Variants in ARHGAP22 observed in about 807,000 individuals in gnomAD.
The protein encoded by ARHGAP22 is Rho GTPase activating protein 22.
In ARHGAP22, 48 loss-of-function variants were observed where a neutral mutation model predicts 59.1. The observed-to-expected ratio is 0.81, with a 90% CI of 0.64 to 1.03. The LOEUF is 1.03. Ranked by LOEUF, ARHGAP22 falls within the 50% of genes least tolerant of loss-of-function variation. The probability of loss-of-function intolerance (pLI) is 0.00; values close to 1 mark genes in which losing one functional copy is unlikely to be tolerated. For missense variants in ARHGAP22, 1,015 were observed against 958.7 expected (o/e 1.06, Z -0.78); for synonymous variants, 445 against 416.4 (o/e 1.07, Z -0.84).
chr10:48,544,758 C>T (rs1211159561), intron 3 of ARHGAP22, among the ~76,000 whole-genome samples: 1 of 152,062 alleles, frequency 6.6e-6, no homozygotes, highest in Non-Finnish European at 1.5e-5. Flanking sequence ...AGTGAATGCT[C>T]GCAACACAAA....
At chr10:48,475,306 C>T (rs1323906379) in intron 4 of ARHGAP22, among the ~76,000 whole-genome samples, 1 of 152,178 alleles carries the variant, frequency 6.6e-6, no homozygotes, top group Non-Finnish European at 1.5e-5. Flanking sequence ...TGCTGTCCCT[C>T]CACTCGCTCT....
At chr10:48,604,646 A>G (rs541749917) in intron 1 of ARHGAP22, 117 bp downstream of exon 1, 2 of 1,513,774 alleles carry the variant, frequency 1.3e-6, no homozygotes, top group Admixed American at 1.7e-5. Flanking sequence ...TTCAGCGGCA[A>G]TGGTCCCAGA....
chr10:48,629,494 C>T (rs140095195), intron 1 of ARHGAP22, among the ~76,000 whole-genome samples: 6 of 152,290 alleles, frequency 3.9e-5, no homozygotes, highest in African/African-American at 1.2e-4. Context: ...CATTGAATTA[C>T]CTTGGCTCTC....
At chr10:48,524,203 C>T in intron 3 of ARHGAP22, 1 of 879,132 alleles carries the variant, frequency 1.1e-6, no homozygotes, top group Non-Finnish European at 1.4e-6. Flanking sequence ...CAGTGCCCAG[C>T]TGGGCGCAGG....
chr10:48,462,685 C>T (rs117998917), intron 4 of ARHGAP22, among the ~76,000 whole-genome samples: 2,038 of 152,314 alleles, frequency 0.013, 22 homozygotes, highest in Non-Finnish European at 0.018. Context: ...AATACTAACA[C>T]GAAGGGAAAG....
intron 1 of ARHGAP22, among the ~76,000 whole-genome samples, chr10:48,610,722 CT>C (rs1044757150): frequency 6.6e-6 from 1 of 152,158 alleles, no homozygotes; most frequent in Non-Finnish European, 1.5e-5. Flanking sequence ...GACAGTATTG[CT>C]GCCAGCCCAA....
At chr10:48,597,754 C>A (rs4838631) in intron 1 of ARHGAP22, among the ~76,000 whole-genome samples, 4 of 152,160 alleles carry the variant, frequency 2.6e-5, no homozygotes, top group Admixed American at 6.5e-5. Context: ...GGCCATTCAC[C>A]AAGAGCCTGG....
chr10:48,528,904 C>A (rs1378390631), intron 3 of ARHGAP22, among the ~76,000 whole-genome samples: 1 of 152,126 alleles, frequency 6.6e-6, no homozygotes, highest in Non-Finnish European at 1.5e-5. Context: ...CTGAGGCCTC[C>A]CCAGAAGCCA....
At chr10:48,548,810 G>A (rs534428643) in intron 3 of ARHGAP22, among the ~76,000 whole-genome samples, 2 of 152,216 alleles carry the variant, frequency 1.3e-5, no homozygotes, top group Non-Finnish European at 2.9e-5. Context: ...GTACCAGGTG[G>A]GCAGGACCTG....
At chr10:48,560,345 T>A (rs960653832) in intron 2 of ARHGAP22, among the ~76,000 whole-genome samples, 1 of 152,180 alleles carries the variant, frequency 6.6e-6, no homozygotes, top group Non-Finnish European at 1.5e-5. Context: ...ACTCCTCATT[T>A]ATTTAGAGCT....
intron 1 of ARHGAP22, among the ~76,000 whole-genome samples, chr10:48,600,856 G>C (rs12246730): frequency 0.03 from 4,552 of 152,280 alleles, 207 homozygotes; most frequent in African/African-American, 0.1. Flanking sequence ...GGCCTGGCCT[G>C]GAAGTAGAGA....
chr10:48,465,563 G>T (rs1320633247), intron 4 of ARHGAP22, among the ~76,000 whole-genome samples: 1 of 152,304 alleles, frequency 6.6e-6, no homozygotes, highest in East Asian at 1.9e-4. Context: ...GTCAATTCCT[G>T]GACAGGTTCT....
intron 3 of ARHGAP22, among the ~76,000 whole-genome samples, chr10:48,494,297 T>C (rs891786814): frequency 3.3e-5 from 5 of 152,176 alleles, no homozygotes; most frequent in African/African-American, 9.7e-5. Context: ...AGCTGCTGCC[T>C]TTATGGTGTC....
intron 4 of ARHGAP22, among the ~76,000 whole-genome samples, chr10:48,461,212 C>T (rs932674924): frequency 2.0e-5 from 3 of 152,118 alleles, no homozygotes; most frequent in Non-Finnish European, 4.4e-5. Flanking sequence ...AAGCCAAACC[C>T]CAGAGTGCAC....
intron 1 of ARHGAP22, among the ~76,000 whole-genome samples, chr10:48,601,756 A>G (rs2060395574): frequency 6.6e-6 from 1 of 152,016 alleles, no homozygotes; most frequent in Admixed American, 6.6e-5. Context: ...TTTTCTGTGG[A>G]GTTCATAATT....
upstream of ARHGAP22, among the ~76,000 whole-genome samples, chr10:48,609,076 C>A (rs560783501): frequency 9.9e-5 from 15 of 152,208 alleles, no homozygotes; most frequent in South Asian, 3.1e-3. Flanking sequence ...CTAGCAAATG[C>A]AGTAAATCAG....
chr10:48,453,490 G>A, intron 7 of ARHGAP22, 65 bp from the exon 8 acceptor site: 1 of 1,600,646 alleles, frequency 6.2e-7, no homozygotes, highest in Middle Eastern at 1.7e-4. Flanking sequence ...CCTGTGTGCG[G>A]CCTGGACGCA....
chr10:48,438,730 T>C, the ARHGAP22 span: 133 of 152,362 alleles, frequency 8.7e-4, no homozygotes, highest in African/African-American at 3.0e-3. Flanking sequence ...CTAGCCAATG[T>C]TGACACAATA....
intron 1 of ARHGAP22, among the ~76,000 whole-genome samples, chr10:48,617,921 A>C (rs1170631838): frequency 6.6e-6 from 1 of 151,920 alleles, no homozygotes; most frequent in Non-Finnish European, 1.5e-5. Context: ...AAATAAACAA[A>C]ATGGACAAAC....
Sources: gnomAD v4.1 joint callset for allele counts (sites outside exome capture counted in the v4.1 genomes callset) on GRCh38, gnomAD v4.1.1 for gene constraint, MANE v1.5 for transcripts, NCBI Gene and HGNC (gene_info 2026-07-23, HGNC 2026-07-21) for gene names.